The following WDR7 variants were observed in gnomAD, a reference collection of about 807,000 sequenced individuals.
WDR7 encodes WD repeat-containing protein 7.
A neutral mutation model predicts 169.4 loss-of-function variants in WDR7; 46 were observed. The observed-to-expected ratio is 0.27, with a 90% CI of 0.21 to 0.35. WDR7 has a LOEUF of 0.35. Among genes scored for constraint, WDR7 ranks in the 10% least tolerant of loss-of-function variants. WDR7 has a pLI of 1.00. For synonymous variants in WDR7, 612 were observed against 666.8 expected, an observed-to-expected ratio of 0.92 and a Z score of 1.27; for missense variants, 1,534 against 1,859.3, an observed-to-expected ratio of 0.83 and a Z score of 3.22.
At chr18:56,827,035 AG>A (rs2045217145) in intron 20 of WDR7, among the ~76,000 whole-genome samples, 1 of 152,150 alleles carries the variant, frequency 6.6e-6, no homozygotes, top group Non-Finnish European at 1.5e-5. Context: ...AGCTTAGTTA[AG>A]GGTAGGAGTT....
chr18:56,855,056 G>A (rs1451695483), intron 20 of WDR7, among the ~76,000 whole-genome samples: 3 of 152,146 alleles, frequency 2.0e-5, no homozygotes, highest in African/African-American at 7.2e-5. Flanking sequence ...TATCCAAGAT[G>A]TATGAGAGAT....
rs566857049 is a variant in WDR7, at chr18:56,794,304, A to ATTTTTTTTTTTTTTTTTTTTTTTTTT, written c.3190+12671_3190+12672insTTTTTTTTTTTTTTTTTTTTTTTTTT. Reference sequence around the variant, plus strand: ...GTTTGTGTCTTAAAAGGTAAAGTCTATTTTTTTTTTTTTTTTTTTTTTTGA... The same window carrying ATTTTTTTTTTTTTTTTTTTTTTTTTT: ...GTTTGTGTCTTAAAAGGTAAAGTCTATTTTTTTTTTTTTTTTTTTTTTTTTTTTTTTTTTTTTTTTTTTTTTTTTGA... On this transcript the variant is annotated intron_variant, in intron 19 of 27. Transcript: ENST00000254442. Among the ~76,000 whole-genome samples, 8 of 49,464 alleles carry ATTTTTTTTTTTTTTTTTTTTTTTTTT rather than the reference A, an allele frequency of 1.6e-4. 3 individuals carry two copies. Among genetic ancestry groups the ATTTTTTTTTTTTTTTTTTTTTTTTTT allele is most frequent in the Non-Finnish European group, 2.7e-4 (7 of 26,186 alleles). The allele number at this position is 49,464 out of a possible 152,430, so 32.5% of individuals were successfully genotyped here. A position where few individuals can be genotyped will look rare whatever the true frequency, so the allele number is the denominator to read the frequency against.
At chr18:56,884,352 T>C (rs961079919) in intron 21 of WDR7, among the ~76,000 whole-genome samples, 1 of 152,204 alleles carries the variant, frequency 6.6e-6, no homozygotes, top group African/African-American at 2.4e-5. Flanking sequence ...TTTGATGGGA[T>C]TGTTTGTTCT....
At chr18:56,730,038 T>G (rs1305013546) in intron 13 of WDR7, among the ~76,000 whole-genome samples, 1 of 152,208 alleles carries the variant, frequency 6.6e-6, no homozygotes, top group Non-Finnish European at 1.5e-5. Flanking sequence ...CTTATTTTTT[T>G]CTCATAGATT....
intron 25 of WDR7, among the ~76,000 whole-genome samples, chr18:56,947,428 G>A (rs2047120904): frequency 6.6e-6 from 1 of 152,232 alleles, no homozygotes; most frequent in South Asian, 2.1e-4. Flanking sequence ...TAATTGCCTG[G>A]ACTATAAATA....
At chr18:56,942,262 CACAAA>C in intron 25 of WDR7, among the ~76,000 whole-genome samples, 1 of 152,064 alleles carries the variant, frequency 6.6e-6, no homozygotes, top group Non-Finnish European at 1.5e-5. Flanking sequence ...CAACCCATGA[CACAAA>C]ATGGCGAGGT....
intron 6 of WDR7, 133 bp from the exon 7 acceptor site, chr18:56,686,722 C>T (rs1055877941): frequency 2.0e-5 from 14 of 713,422 alleles, no homozygotes; most frequent in Admixed American, 1.1e-4. Flanking sequence ...ACTACCGTGG[C>T]GCTTACCTGA....
Position 56,923,909 on chromosome 18 carries a change from T to A in WDR7, c.3527-13T>A, listed in dbSNP as rs1356117269. 8 of 1,524,400 alleles carry A rather than the reference T, an allele frequency of 5.2e-6. 1 individual carries two copies. In the South Asian group the frequency reaches 1.1e-4, roughly 20 times the overall value. The allele number at this position is 1,524,400 out of a possible 1,614,324, so 94.4% of individuals were successfully genotyped here. ...ATTCCCCTTTTGCTCTGCATTTTAT[T>A]CTATAATTTCAGGCAAGGCACTGAC... On this transcript the variant is annotated splice_polypyrimidine_tract_variant and intron_variant, in intron 21 of 27. Transcript: ENST00000254442.
intron 9 of WDR7, 28 bp downstream of exon 9, chr18:56,691,845 T>C (rs2025578382): frequency 6.4e-7 from 1 of 1,552,684 alleles, no homozygotes; most frequent in Admixed American, 1.8e-5. Flanking sequence ...TCATTTATAA[T>C]TGAAAGTTAC....
intron 26 of WDR7, among the ~76,000 whole-genome samples, chr18:57,015,353 T>A (rs975836510): frequency 2.8e-4 from 42 of 152,252 alleles, no homozygotes; most frequent in Admixed American, 2.6e-3. Context: ...CTAAATTATT[T>A]GTTGAATCTA....
At chr18:56,841,524 C>T (rs1468451595) in intron 20 of WDR7, among the ~76,000 whole-genome samples, 4 of 143,600 alleles carry the variant, frequency 2.8e-5, no homozygotes, top group Admixed American at 7.1e-5. Flanking sequence ...CCAGCCTGGA[C>T]GACAGAGTGA....
At chr18:56,653,300 G>C (rs1052936525) in intron 1 of WDR7, among the ~76,000 whole-genome samples, 1 of 151,848 alleles carries the variant, frequency 6.6e-6, no homozygotes, top group African/African-American at 2.4e-5. Context: ...TCCCCATCCC[G>C]GGCTCAAGCG....
chr18:57,001,000 C>T (rs1488804971), intron 26 of WDR7, among the ~76,000 whole-genome samples: 1 of 145,240 alleles, frequency 6.9e-6, no homozygotes, highest in African/African-American at 2.5e-5. Context: ...GAGTTGGAGA[C>T]CAGCCTGGAC....
chr18:56,789,676 A>G (rs559113698), intron 19 of WDR7, among the ~76,000 whole-genome samples: 3 of 152,328 alleles, frequency 2.0e-5, no homozygotes, highest in African/African-American at 7.2e-5. Flanking sequence ...AGGCTTTGAA[A>G]TAACTTTAGA....
intron 1 of WDR7, among the ~76,000 whole-genome samples, chr18:56,664,530 CTTTT>C (rs56780827): frequency 6.9e-6 from 1 of 145,686 alleles, no homozygotes; most frequent in South Asian, 2.2e-4. Context: ...TTTTTTTCTC[CTTTT>C]TTTTTTTTTT....
At chr18:56,969,243 C>T (rs2047451325) in intron 26 of WDR7, among the ~76,000 whole-genome samples, 1 of 152,196 alleles carries the variant, frequency 6.6e-6, no homozygotes, top group Admixed American at 6.5e-5. Flanking sequence ...CTTCACCTGT[C>T]CATATCCAGT....
At position 56,737,637 on chromosome 18, in the gene WDR7, G is replaced by A. The variant is rs138592359; in HGVS notation, c.1989+6040G>A. ...GTAGCTTTGTATTCTGTGTAACGAGGCAAGAGAATGGAATTTAGAAGTCAA... is the reference window on the plus strand; with the variant it reads ...GTAGCTTTGTATTCTGTGTAACGAGACAAGAGAATGGAATTTAGAAGTCAA... On this transcript the variant is annotated intron_variant, in intron 14 of 27. Transcript: ENST00000254442. Among the ~76,000 whole-genome samples the A allele has an allele frequency of 2.5e-3, 388 of 152,264 alleles. 3 individuals carry two copies. The East Asian group carries it at 0.032, about 12-fold the overall frequency.
intron 26 of WDR7, among the ~76,000 whole-genome samples, chr18:57,002,476 C>T (rs568686405): frequency 6.6e-6 from 1 of 152,198 alleles, no homozygotes; most frequent in East Asian, 1.9e-4. Flanking sequence ...GGAAAGTTTT[C>T]CACAATGTGT....
intron 20 of WDR7, among the ~76,000 whole-genome samples, chr18:56,824,875 C>G (rs1451707169): frequency 1.3e-5 from 2 of 152,180 alleles, no homozygotes; most frequent in Non-Finnish European, 2.9e-5. Context: ...GAACAAAAAC[C>G]TGGAACAAAT....
Sources: allele counts gnomAD v4.1 joint callset (sites outside exome capture counted in the v4.1 genomes callset), GRCh38; gene constraint gnomAD v4.1.1; transcripts MANE v1.5; gene names NCBI Gene and HGNC (gene_info 2026-07-23, HGNC 2026-07-21).